Variants in SIMC1 observed in about 807,000 individuals in gnomAD.
SIMC1 encodes SUMO interacting motifs containing 1, also known as SUMO-interacting motif-containing protein 1.
In SIMC1, 55 loss-of-function variants were observed where a neutral mutation model predicts 82.3. The ratio of observed to expected loss-of-function variants is 0.67; its 90% CI spans 0.54 to 0.84. The LOEUF is 0.84. SIMC1 is among the 40% of genes least tolerant of loss of function. The pLI, the probability that SIMC1 is intolerant of heterozygous loss-of-function variation, is 0.00. For synonymous variants in SIMC1, 353 were observed against 426.3 expected, an observed-to-expected ratio of 0.83 and a Z score of 2.12; for missense variants, 915 against 1,107.2, an observed-to-expected ratio of 0.83 and a Z score of 2.46.
At chr5:176,272,317 G>C (rs762550971) in intron 1 of SIMC1, among the ~76,000 whole-genome samples, 8 of 150,646 alleles carry the variant, frequency 5.3e-5, no homozygotes, top group African/African-American at 2.0e-4. Flanking sequence ...AAAACAAAAA[G>C]CAAGAATGTC....
chr5:176,252,094 G>GA (rs1172043669), intron 1 of SIMC1, among the ~76,000 whole-genome samples: 3 of 152,180 alleles, frequency 2.0e-5, no homozygotes, highest in Non-Finnish European at 4.4e-5. Context: ...ATGAGCTGTT[G>GA]GGTACACCTC....
rs1765887286 is a variant in SIMC1 at position 176,336,210 on chromosome 5, T to C, written c.2172-510T>C. 1.3e-5 allele frequency among the ~76,000 whole-genome samples: 2 copies of C among 152,130 alleles called. 1 individual carries two copies. Among genetic ancestry groups the C allele is most frequent in the South Asian group, 4.1e-4 (2 of 4,826 alleles). On this transcript the variant is annotated intron_variant, in intron 7 of 9. Coordinates refer to ENST00000429602, the MANE Select transcript of SIMC1 (RefSeq NM_001308195.2). ...ACTCTCACCAGTGCTTCTGCCTCCATAGGAAGGCCACTTCCAGTCCCCAAA... is the reference window on the plus strand; with the variant it reads ...ACTCTCACCAGTGCTTCTGCCTCCACAGGAAGGCCACTTCCAGTCCCCAAA...
intron 2 of SIMC1, among the ~76,000 whole-genome samples, chr5:176,294,685 C>T (rs940874816): frequency 6.6e-5 from 10 of 151,376 alleles, no homozygotes; most frequent in African/African-American, 1.9e-4. Flanking sequence ...AATCCCGGCT[C>T]GGCGCCGTGG....
At chr5:176,326,522 C>T (rs1187677236) in intron 7 of SIMC1, among the ~76,000 whole-genome samples, 3 of 151,886 alleles carry the variant, frequency 2.0e-5, no homozygotes, top group South Asian at 4.2e-4. Context: ...CATGAGCCAC[C>T]GCACCCAACC....
chr5:176,255,213 C>T (rs1369859520), intron 1 of SIMC1, among the ~76,000 whole-genome samples: 1 of 151,666 alleles, frequency 6.6e-6, no homozygotes, highest in African/African-American at 2.4e-5. Flanking sequence ...CACTGCACTC[C>T]AGCCTGAGCA....
At chr5:176,324,547 A>G in intron 6 of SIMC1, 82 bp from the exon 7 acceptor site, 2 of 1,443,394 alleles carry the variant, frequency 1.4e-6, no homozygotes, top group Non-Finnish European at 1.9e-6. Context: ...CTCGATGTAC[A>G]CTGGTGGGGA....
At chr5:176,252,710 G>A (rs995811646) in intron 1 of SIMC1, among the ~76,000 whole-genome samples, 53 of 152,200 alleles carry the variant, frequency 3.5e-4, no homozygotes, top group Non-Finnish European at 6.3e-4. Context: ...CGGCCAGGCA[G>A]AGACGCTCCT....
At chr5:176,288,262 G>A (rs546969377) in intron 1 of SIMC1, among the ~76,000 whole-genome samples, 10 of 152,060 alleles carry the variant, frequency 6.6e-5, no homozygotes, top group Non-Finnish European at 1.3e-4. Flanking sequence ...ACAGAAATTA[G>A]TCTGGTGTGG....
In SIMC1 at chr5:176,257,700, A is replaced by C. The variant is rs183746248; in HGVS notation, c.129+19063A>C. Among the ~76,000 whole-genome samples the C allele has an allele frequency of 7.7e-4, 117 of 152,276 alleles. 1 individual carries two copies. The highest frequency in any genetic ancestry group is 2.0e-3 in the Admixed American group (30 of 15,294). The stretch of plus-strand genomic sequence containing the variant: ...TACATATGTACGTATGTGTCTCCTT[A>C]CTATTTTTCCCCCCAAAAAAATGTC... On this transcript the variant is annotated intron_variant, in intron 1 of 9. Transcript: ENST00000429602.
chr5:176,311,592 G>A (rs1010511418), intron 4 of SIMC1, among the ~76,000 whole-genome samples: 1 of 151,450 alleles, frequency 6.6e-6, no homozygotes, highest in South Asian at 2.1e-4. Flanking sequence ...GGGAAAATAG[G>A]TATTCTCAAG....
chr5:176,322,208 C>T, intron 5 of SIMC1, 65 bp from the exon 6 acceptor site: 1 of 1,487,622 alleles, frequency 6.7e-7, no homozygotes. Flanking sequence ...CCTTTTCTTT[C>T]TTTATTTTTT....
intron 1 of SIMC1, among the ~76,000 whole-genome samples, chr5:176,282,289 G>A (rs1443385213): frequency 3.9e-5 from 6 of 152,232 alleles, no homozygotes; most frequent in Non-Finnish European, 7.3e-5. Context: ...TCGGAAAAGC[G>A]CAGTATTAGG....
intron 4 of SIMC1, chr5:176,313,253 TTC>T: frequency 7.3e-7 from 1 of 1,376,270 alleles, no homozygotes; most frequent in Non-Finnish European, 9.5e-7. Flanking sequence ...CAGTTTCTCT[TTC>T]TCTGTTTTGC....
chr5:176,264,287 C>T (rs906615249), intron 1 of SIMC1, among the ~76,000 whole-genome samples: 7 of 152,282 alleles, frequency 4.6e-5, no homozygotes, highest in Non-Finnish European at 8.8e-5. Flanking sequence ...TATGGGGGCT[C>T]CAACCCCACA....
At chr5:176,258,428 A>C (rs2113139259) in intron 1 of SIMC1, among the ~76,000 whole-genome samples, 1 of 150,572 alleles carries the variant, frequency 6.6e-6, no homozygotes, top group Non-Finnish European at 1.5e-5. Context: ...AACTTTTTCA[A>C]ACCTCATACC....
At chr5:176,344,475 ACACACACACACACACACACAC>A (rs1374181328) in intron 9 of SIMC1, among the ~76,000 whole-genome samples, 4 of 94,178 alleles carry the variant, frequency 4.2e-5, no homozygotes, top group African/African-American at 1.7e-4. Context: ...GTATACACAC[ACACACACACACACACACACAC>A]ACACACACAC....
chr5:176,247,278 T>C (rs905916806), intron 1 of SIMC1, among the ~76,000 whole-genome samples: 1 of 152,192 alleles, frequency 6.6e-6, no homozygotes, highest in African/African-American at 2.4e-5. Flanking sequence ...TGTTGGTTCC[T>C]GACTTTTTAA....
intron 7 of SIMC1, among the ~76,000 whole-genome samples, chr5:176,335,270 T>C (rs1765839660): frequency 7.4e-6 from 1 of 134,426 alleles, no homozygotes; most frequent in Non-Finnish European, 1.6e-5. Flanking sequence ...CCTTTCTTTG[T>C]ATCTTTTTTT....
chr5:176,308,568 C>T, intron 4 of SIMC1: 1 of 1,592,544 alleles, frequency 6.3e-7, no homozygotes, highest in Non-Finnish European at 8.6e-7. Flanking sequence ...TGGCCGGGTA[C>T]TCTACACTTG....
Sources: gnomAD v4.1 joint callset for allele counts (sites outside exome capture counted in the v4.1 genomes callset) on GRCh38, gnomAD v4.1.1 for gene constraint, MANE v1.5 for transcripts, NCBI Gene and HGNC (gene_info 2026-07-23, HGNC 2026-07-21) for gene names.